The following BIVM variants were observed in gnomAD, a reference collection of about 807,000 sequenced individuals.
BIVM encodes basic immunoglobulin-like variable motif-containing protein.
In BIVM, 31 loss-of-function variants were observed where a neutral mutation model predicts 61.4. The ratio of observed to expected loss-of-function variants is 0.51; its 90% CI spans 0.38 to 0.68. The LOEUF (loss-of-function observed/expected upper bound fraction) is 0.68, where lower values mean the gene tolerates loss of function less well. Ranked by LOEUF, BIVM falls within the 30% of genes least tolerant of loss-of-function variation. BIVM has a pLI of 0.00. For synonymous variants in BIVM, 189 were observed against 210.7 expected (o/e 0.90, Z 0.89); for missense variants, 526 against 596.0 (o/e 0.88, Z 1.22).
chr13:102,814,081 G>A (rs1239186209), intron 3 of BIVM, among the ~76,000 whole-genome samples: 2 of 152,092 alleles, frequency 1.3e-5, no homozygotes, highest in Non-Finnish European at 2.9e-5. Context: ...GTGTGTGTAT[G>A]TGTCTGTGTG....
rs78754328 is a variant in BIVM at position 102,818,630 on chromosome 13, G to A, written c.605+2076G>A. 6.1e-3 allele frequency among the ~76,000 whole-genome samples: 934 copies of A among 152,294 alleles called. 15 individuals are homozygous for A. The highest frequency in any genetic ancestry group is 0.021 in the African/African-American group (885 of 41,542). On this transcript the variant is annotated intron_variant, in intron 4 of 10. Coordinates refer to ENST00000257336, the MANE Select transcript of BIVM (RefSeq NM_017693.4). ...GGCCATGAAGGCTAGGACTAGGAAG[G>A]ATAGATGGGAGAAATGCCCTGAGGG...
chr13:102,807,688 T>G lies in BIVM; in HGVS notation c.421T>G (p.Trp141Gly), dbSNP rs1286817699. The G allele has an allele frequency of 6.2e-7, 1 of 1,614,030 alleles. No individual in the cohort carries two copies. The highest frequency in any genetic ancestry group is 2.2e-5 in the East Asian group (1 of 44,890). Residue 141 changes from tryptophan to glycine, a missense_variant, in exon 3 of 11, where the codon TGG becomes GGG. By Grantham distance (184) the Trp-to-Gly change is radical (BLOSUM62 -2). Coordinates refer to ENST00000257336, the MANE Select transcript of BIVM (RefSeq NM_017693.4). The surrounding 1 kb of genome is among the most constrained non-coding windows in gnomAD (Gnocchi z 4.0). Reference sequence around the variant, plus strand: ...CAGCCTGGGCAAGCTACCTCTCGCATGGGAAATTGATAAATCTGAATTTGA... The same window carrying G: ...CAGCCTGGGCAAGCTACCTCTCGCAGGGGAAATTGATAAATCTGAATTTGA... Reference protein sequence around the residue: ...SNSLGKLPLAWEIDKSEFDGV... With the variant: ...SNSLGKLPLAGEIDKSEFDGV...
intron 1 of BIVM, chr13:102,801,867 C>T (rs1314583012): frequency 2.6e-5 from 4 of 152,124 alleles, no homozygotes; most frequent in African/African-American, 4.8e-5. Context: ...AAGGTTTCCC[C>T]CAGAAAGTGA....
intron 1 of BIVM, among the ~76,000 whole-genome samples, chr13:102,800,099 G>A (rs1175557615): frequency 1.3e-5 from 2 of 152,234 alleles, no homozygotes; most frequent in East Asian, 3.9e-4. Flanking sequence ...GTGGCTCCGA[G>A]CCAAGGCGGG....
chr13:102,836,215 G>T (rs1263253063), intron 9 of BIVM, among the ~76,000 whole-genome samples: 3 of 151,908 alleles, frequency 2.0e-5, no homozygotes, highest in African/African-American at 7.3e-5. Flanking sequence ...TATATGTTTT[G>T]TGCCTCTATA....
chr13:102,803,762 T>C (rs574974583), intron 1 of BIVM, among the ~76,000 whole-genome samples: 1 of 151,276 alleles, frequency 6.6e-6, no homozygotes, highest in Admixed American at 6.6e-5. Context: ...ATACCACAAA[T>C]ACCTACCTCT....
In BIVM at chr13:102,833,327, G is replaced by GTTTTTTTTTTTTTTTTTTTTTTTTTTTT. The variant is rs532303115; in HGVS notation, c.1035-1121_1035-1120insTTTTTTTTTTTTTTTTTTTTTTTTTTTT. ...TGGCTTGGTCATGGGGATAGGATGG[G>GTTTTTTTTTTTTTTTTTTTTTTTTTTTT]TTTTTTTTTTTTTTTTTTGAGACAA... On this transcript the variant is annotated intron_variant, in intron 8 of 10. Transcript: ENST00000257336. Among the ~76,000 whole-genome samples the GTTTTTTTTTTTTTTTTTTTTTTTTTTTT allele has an allele frequency of 1.7e-3, 134 of 79,588 alleles. 31 individuals are homozygous for GTTTTTTTTTTTTTTTTTTTTTTTTTTTT. The highest frequency in any genetic ancestry group is 2.8e-3 in the Non-Finnish European group (105 of 38,120). The allele number at this position is 79,588 out of a possible 152,430, so 52.2% of individuals were successfully genotyped here. A position where few individuals can be genotyped will look rare whatever the true frequency, so the allele number is the denominator to read the frequency against.
chr13:102,840,612 A>T lies in BIVM; in HGVS notation c.*747A>T. 7.1e-6 allele frequency: 1 copy of T among 139,870 alleles called. No homozygotes were observed. The highest frequency in any genetic ancestry group is 2.4e-4 in the South Asian group (1 of 4,082). 8.7% of individuals were successfully genotyped at this position (139,870 alleles called of 1,614,324 possible). A position where few individuals can be genotyped will look rare whatever the true frequency, so the allele number is the denominator to read the frequency against. The stretch of plus-strand genomic sequence containing the variant: ...GGCAGGAGAATGGCGTGAACCCGGG[A>T]GGTGGAGCTTGCAGTGAGCGGAGAT... On this transcript the variant is annotated 3_prime_UTR_variant, in exon 11 of 11. Coordinates refer to ENST00000257336, the MANE Select transcript of BIVM (RefSeq NM_017693.4).
chr13:102,811,958 G>A (rs1251511298), intron 3 of BIVM, among the ~76,000 whole-genome samples: 1 of 152,150 alleles, frequency 6.6e-6, no homozygotes, highest in Admixed American at 6.5e-5. Flanking sequence ...TATTTGTTTG[G>A]ATAATCTCCT....
At position 102,839,834 on chromosome 13, in the gene BIVM, A is replaced by G. The variant is rs1285680154; in HGVS notation, c.1481A>G (p.Gln494Arg). The G allele has an allele frequency of 6.2e-7, 1 of 1,613,382 alleles. No homozygotes were observed. The highest frequency in any genetic ancestry group is 2.2e-5 in the East Asian group (1 of 44,882). The part of the protein sequence containing the change: ...SIHERRNSGY[Q>R]GYSDYDGND ...CATGAGAGAAGGAACAGTGGTTACC[A>G]GGGTTACAGTGATTACGATGGGAAT... is the stretch of plus-strand genomic sequence containing the variant. Residue 494 changes from glutamine (Q) to arginine (R), a missense_variant, in exon 11 of 11, where the codon CAG (glutamine) becomes CGG (arginine). This residue lies in a region of BIVM where 210 missense variants were observed against 233.1 expected (regional missense o/e 0.90). Transcript: ENST00000257336.
At position 102,839,921 on chromosome 13, in the gene BIVM, G is replaced by A. The variant is rs999755406; in HGVS notation, c.*56G>A. 2.7e-6 allele frequency: 4 copies of A among 1,500,538 alleles called. No individual in the cohort carries two copies. The highest frequency in any genetic ancestry group is 2.3e-5 in the East Asian group (1 of 43,994). The allele number at this position is 1,500,538 out of a possible 1,614,324, so 93.0% of individuals were successfully genotyped here. Reference sequence around the variant, plus strand: ...ATATGAAACTGCTATATACAGGACTGTATAAAGACAGTAGAAGATTTTAGT... The same window carrying A: ...ATATGAAACTGCTATATACAGGACTATATAAAGACAGTAGAAGATTTTAGT... On this transcript the variant is annotated 3_prime_UTR_variant, in exon 11 of 11. Transcript: ENST00000257336.
intron 3 of BIVM, among the ~76,000 whole-genome samples, chr13:102,811,360 T>C (rs146694144): frequency 1.6e-4 from 25 of 152,294 alleles, no homozygotes; most frequent in African/African-American, 5.5e-4. Context: ...AGAATTCTTG[T>C]TTGAATTTTT....
intron 9 of BIVM, among the ~76,000 whole-genome samples, chr13:102,838,081 G>T (rs923709394): frequency 4.6e-5 from 7 of 151,964 alleles, no homozygotes; most frequent in African/African-American, 9.7e-5. Flanking sequence ...GCAATAAAAA[G>T]GTTTTCCTCA....
intron 9 of BIVM, among the ~76,000 whole-genome samples, chr13:102,836,348 T>C (rs940638589): frequency 6.6e-6 from 1 of 152,246 alleles, no homozygotes; most frequent in African/African-American, 2.4e-5. Flanking sequence ...GGTCTCTCTC[T>C]ATCACCCAGG....
chr13:102,799,744 G>T (rs1878616778), intron 1 of BIVM, among the ~76,000 whole-genome samples: 1 of 152,254 alleles, frequency 6.6e-6, no homozygotes, highest in African/African-American at 2.4e-5. Context: ...CACTGCATGG[G>T]TGCGCGCTCT....
chr13:102,811,667 G>A (rs1240640644), intron 3 of BIVM, among the ~76,000 whole-genome samples: 1 of 152,174 alleles, frequency 6.6e-6, no homozygotes, highest in Non-Finnish European at 1.5e-5. Context: ...GGGATTACAG[G>A]CGTGCGCCAC....
At chr13:102,802,369 A>G (rs1006095623) in intron 1 of BIVM, among the ~76,000 whole-genome samples, 2 of 152,214 alleles carry the variant, frequency 1.3e-5, no homozygotes, top group South Asian at 2.1e-4. Context: ...TGGGGCTCTC[A>G]CTATAGTGGA....
chr13:102,831,183 A>G (rs1183707879), intron 7 of BIVM, among the ~76,000 whole-genome samples: 7 of 152,242 alleles, frequency 4.6e-5, no homozygotes. Flanking sequence ...TACTTTATAA[A>G]TGCATGTGCT....
intron 3 of BIVM, among the ~76,000 whole-genome samples, chr13:102,813,369 T>TTTA (rs1394167778): frequency 2.0e-5 from 3 of 152,256 alleles, no homozygotes; most frequent in Non-Finnish European, 2.9e-5. Flanking sequence ...GCTCCTCAGC[T>TTTA]TTATTTTGAT....
Sources: allele counts gnomAD v4.1 joint callset (sites outside exome capture counted in the v4.1 genomes callset), GRCh38; gene constraint gnomAD v4.1.1; regional missense constraint gnomAD v4.1.1; non-coding constraint Gnocchi (gnomAD v3.1); transcripts MANE v1.5; gene names NCBI Gene and HGNC (gene_info 2026-07-23, HGNC 2026-07-21).